Variants in FSTL4 observed in about 807,000 individuals in gnomAD.
The protein encoded by FSTL4 is follistatin-related protein 4.
FSTL4 carries 28 observed loss-of-function variants against 78.2 expected under a neutral mutation model. The observed-to-expected ratio is 0.36, with a 90% CI of 0.27 to 0.49. FSTL4 has a LOEUF of 0.49. Among genes scored for constraint, FSTL4 ranks in the 20% least tolerant of loss-of-function variants. The pLI is 0.98. For synonymous variants in FSTL4, 422 were observed against 440.5 expected, an observed-to-expected ratio of 0.96 and a Z score of 0.53; for missense variants, 922 against 1,084.9, an observed-to-expected ratio of 0.85 and a Z score of 2.11.
At chr5:133,735,029 C>T in the FSTL4 span, among the ~76,000 whole-genome samples, 26 of 152,184 alleles carry the variant, frequency 1.7e-4, no homozygotes, top group African/African-American at 6.0e-4. Context: ...CACAAAGTGC[C>T]CCTCATGCTC....
At chr5:133,772,537 A>G in the FSTL4 span, among the ~76,000 whole-genome samples, 13 of 152,158 alleles carry the variant, frequency 8.5e-5, no homozygotes, top group African/African-American at 2.9e-4. Flanking sequence ...TTTATGATGA[A>G]CAGAAATTTA....
chr5:133,572,184 A>G (rs1760172461), intron 2 of FSTL4, among the ~76,000 whole-genome samples: 1 of 152,232 alleles, frequency 6.6e-6, no homozygotes, highest in Non-Finnish European at 1.5e-5. Context: ...AACATTGCCT[A>G]TAAGGGAGCA....
At position 133,211,523 on chromosome 5, in the gene FSTL4, G is replaced by A. The variant is rs374887352; in HGVS notation, c.1609-1225C>T. ...CATATTCTAGTATTCTAGTCTCTCC[G>A]ATGAGGGGGAGAAAAACTGCATCAT... On this transcript the variant is annotated intron_variant, in intron 13 of 15. Coordinates refer to ENST00000265342, the MANE Select transcript of FSTL4 (RefSeq NM_015082.2). Among the ~76,000 whole-genome samples the A allele has an allele frequency of 2.2e-4, 34 of 152,138 alleles. No individual in the cohort carries two copies. The East Asian group carries it at 5.0e-3, about 22-fold the overall frequency.
In FSTL4 at chr5:133,517,447, A is replaced by AATATAT. The variant is rs1554068021; in HGVS notation, c.160+49733_160+49738dup. On this transcript the variant is annotated intron_variant, in intron 3 of 15. Coordinates refer to ENST00000265342, the MANE Select transcript of FSTL4 (RefSeq NM_015082.2). ...CAAAAAAAAAAAAAAAAAAAAAAAA[A>AATATAT]ATATATATATATATATGCACACACA... is the stretch of plus-strand genomic sequence containing the variant. Among the ~76,000 whole-genome samples the AATATAT allele has an allele frequency of 3.1e-3, 51 of 16,394 alleles. 2 individuals carry two copies. Among genetic ancestry groups the AATATAT allele is most frequent in the East Asian group, 6.0e-3 (1 of 166 alleles). The allele number at this position is 16,394 out of a possible 152,430, so 10.8% of individuals were successfully genotyped here.
rs1357491708 is a variant in FSTL4 at position 133,502,470 on chromosome 5, C to T, written c.160+64716G>A. 5.3e-5 allele frequency among the ~76,000 whole-genome samples: 8 copies of T among 152,228 alleles called. No homozygotes were observed. The South Asian group carries it at 1.0e-3, about 20-fold the overall frequency. On this transcript the variant is annotated intron_variant, in intron 3 of 15. Transcript: ENST00000265342. The stretch of plus-strand genomic sequence containing the variant: ...GGTGATATGGTTTGGATCTGTGTCC[C>T]CACGAAATCTCCTGTGGAATTGCAA...
chr5:133,433,651 T>C (rs115958455), intron 3 of FSTL4, among the ~76,000 whole-genome samples: 3,592 of 152,218 alleles, frequency 0.024, 60 homozygotes, highest in Non-Finnish European at 0.034. Flanking sequence ...AATCAGATGG[T>C]CGTGAGTGCA....
the FSTL4 span, among the ~76,000 whole-genome samples, chr5:133,779,363 G>A: frequency 1.3e-5 from 2 of 152,110 alleles, no homozygotes; most frequent in African/African-American, 4.8e-5. Context: ...AAGGCGGGTG[G>A]ATCACAAGGT....
the FSTL4 span, among the ~76,000 whole-genome samples, chr5:133,732,251 T>A: frequency 6.6e-6 from 1 of 152,152 alleles, no homozygotes; most frequent in African/African-American, 2.4e-5. Context: ...GTGGTGCAGG[T>A]ACCAACCTGG....
At position 133,358,412 on chromosome 5, in the gene FSTL4, T is replaced by C. The variant is rs1278719394; in HGVS notation, c.410-41760A>G. Reference sequence around the variant, plus strand: ...GGAATGACGGCCTTACGTGTTGTTCTCCCAGTGAATCAAGCAGCAGGGGCA... The same window carrying C: ...GGAATGACGGCCTTACGTGTTGTTCCCCCAGTGAATCAAGCAGCAGGGGCA... On this transcript the variant is annotated intron_variant, in intron 4 of 15. Transcript: ENST00000265342. Among the ~76,000 whole-genome samples, 3 of 151,890 alleles carry C rather than the reference T, an allele frequency of 2.0e-5. No homozygotes were observed. In the East Asian group the frequency reaches 5.8e-4, roughly 29 times the overall value.
the FSTL4 span, among the ~76,000 whole-genome samples, chr5:133,675,016 TCAAA>T: frequency 0.069 from 10,521 of 151,952 alleles, 427 homozygotes; most frequent in South Asian, 0.12. Flanking sequence ...CAATGAAGAA[TCAAA>T]CAAACAAACT....
In FSTL4 at chr5:133,264,726, T is replaced by C. The variant is rs576182604; in HGVS notation, c.728-15150A>G. Among the ~76,000 whole-genome samples, 82 of 152,332 alleles carry C rather than the reference T, an allele frequency of 5.4e-4. No homozygotes were observed. The South Asian group carries it at 0.016, about 30-fold the overall frequency. ...CTTGGGTAGGTTCTTTAAATTATCT[T>C]GCAGTGAGAACCCTATCATGTCATG... On this transcript the variant is annotated intron_variant, in intron 6 of 15. Coordinates refer to ENST00000265342, the MANE Select transcript of FSTL4 (RefSeq NM_015082.2).
At position 133,225,357 on chromosome 5, in the gene FSTL4, A is replaced by G; in HGVS notation, c.1178-73T>C. On this transcript the variant is annotated intron_variant, in intron 9 of 15. Transcript: ENST00000265342. This position sits in a 1 kb window ranked among gnomAD's most constrained non-coding sequence, Gnocchi z 4.6. ...CTCACTTTCCTTTATGGGGCCATTG[A>G]GAGTGTTAGGGCTGCCCAGCCCCTG... 1.3e-6 allele frequency: 2 copies of G among 1,584,514 alleles called. No individual in the cohort carries two copies. The highest frequency in any genetic ancestry group is 1.7e-5 in the Admixed American group (1 of 59,908).
chr5:133,750,574 G>A, the FSTL4 span, among the ~76,000 whole-genome samples: 1 of 152,152 alleles, frequency 6.6e-6, no homozygotes, highest in African/African-American at 2.4e-5. Context: ...GCTCGGGTCA[G>A]GGCCCGTGAG....
the FSTL4 span, among the ~76,000 whole-genome samples, chr5:133,765,854 G>A: frequency 6.1e-4 from 93 of 152,322 alleles, no homozygotes; most frequent in African/African-American, 2.2e-3. Flanking sequence ...CATTTAGGAA[G>A]GAAGAGACAG....
the FSTL4 span, among the ~76,000 whole-genome samples, chr5:133,733,848 G>A: frequency 6.6e-6 from 1 of 152,322 alleles, no homozygotes; most frequent in South Asian, 2.1e-4. Context: ...CTCATTCAAA[G>A]GTCTGACCGA....
At chr5:133,833,460 A>G in the FSTL4 span, among the ~76,000 whole-genome samples, 1 of 152,242 alleles carries the variant, frequency 6.6e-6, no homozygotes, top group Admixed American at 6.5e-5. Context: ...AATATGCTGA[A>G]ACTTGACAAC....
At chr5:133,602,909 G>C (rs1760903174) in intron 2 of FSTL4, among the ~76,000 whole-genome samples, 1 of 152,174 alleles carries the variant, frequency 6.6e-6, no homozygotes, top group Non-Finnish European at 1.5e-5. Context: ...CCTACACTGA[G>C]TAACCTTATT....
At chr5:133,482,885 T>C (rs1758058129) in intron 3 of FSTL4, among the ~76,000 whole-genome samples, 2 of 152,120 alleles carry the variant, frequency 1.3e-5, no homozygotes, top group Admixed American at 1.3e-4. Flanking sequence ...CAGACTACCC[T>C]GGGCCAAAGA....
the FSTL4 span, among the ~76,000 whole-genome samples, chr5:133,666,555 G>T: frequency 2.0e-5 from 3 of 150,434 alleles, no homozygotes; most frequent in Admixed American, 6.6e-5. Context: ...AAACGTTAAA[G>T]CTTTTTCTCA....
Sources: allele counts gnomAD v4.1 joint callset (sites outside exome capture counted in the v4.1 genomes callset), GRCh38; gene constraint gnomAD v4.1.1; non-coding constraint Gnocchi (gnomAD v3.1); transcripts MANE v1.5; gene names NCBI Gene and HGNC (gene_info 2026-07-23, HGNC 2026-07-21).